The following SNCAIP variants were observed in gnomAD, a reference collection of about 807,000 sequenced individuals.
SNCAIP encodes the protein synuclein alpha interacting protein, also known as synphilin-1.
In SNCAIP, 43 loss-of-function variants were observed where a neutral mutation model predicts 86.7. The observed-to-expected ratio is 0.50, with a 90% CI of 0.39 to 0.64. The LOEUF (loss-of-function observed/expected upper bound fraction) is 0.64, where lower values mean the gene tolerates loss of function less well. Among genes scored for constraint, SNCAIP ranks in the 30% least tolerant of loss-of-function variants. SNCAIP has a pLI of 0.00. For missense variants in SNCAIP, 981 were observed against 1,103.1 expected, an observed-to-expected ratio of 0.89 and a Z score of 1.57; for synonymous variants, 417 against 427.2, an observed-to-expected ratio of 0.98 and a Z score of 0.29.
intron 10 of SNCAIP, among the ~76,000 whole-genome samples, chr5:122,455,174 C>T (rs1280497275): frequency 6.6e-6 from 1 of 152,144 alleles, no homozygotes; most frequent in Non-Finnish European, 1.5e-5. Flanking sequence ...CATGTGTTTC[C>T]ATAGGAAGTG....
At position 122,390,965 on chromosome 5, in the gene SNCAIP, T is replaced by A. The variant is rs1004355552; in HGVS notation, c.-46-124T>A. The A allele has an allele frequency of 6.3e-6, 4 of 632,040 alleles. No individual in the cohort carries two copies. In the African/African-American group the frequency reaches 7.3e-5, roughly 12 times the overall value. 39.2% of individuals were successfully genotyped at this position (632,040 alleles called of 1,614,324 possible). On this transcript the variant is annotated intron_variant, in intron 1 of 10. Transcript: ENST00000261368. Reference sequence around the variant, plus strand: ...TGTGGACAGTTGAAGGAAGGAAATGTGCTCCAAGGCAACACTAGCACCCAA... The same window carrying A: ...TGTGGACAGTTGAAGGAAGGAAATGAGCTCCAAGGCAACACTAGCACCCAA...
chr5:122,353,534 C>T (rs1183079236), intron 1 of SNCAIP, among the ~76,000 whole-genome samples: 3 of 151,704 alleles, frequency 2.0e-5, no homozygotes, highest in Non-Finnish European at 2.9e-5. Context: ...GGAGCTCCCA[C>T]AATTCCCACA....
intron 5 of SNCAIP, among the ~76,000 whole-genome samples, chr5:122,428,691 C>T (rs565507797): frequency 5.3e-5 from 8 of 151,786 alleles, no homozygotes; most frequent in African/African-American, 1.9e-4. Context: ...TTTGCTGCAC[C>T]CATTAACTCG....
chr5:122,432,820 A>G (rs902728764), intron 6 of SNCAIP, among the ~76,000 whole-genome samples: 3 of 152,180 alleles, frequency 2.0e-5, no homozygotes, highest in African/African-American at 7.2e-5. Flanking sequence ...CTTTTTAAAA[A>G]ACTGGAACCA....
At chr5:122,420,432 G>A (rs565509795) in intron 3 of SNCAIP, among the ~76,000 whole-genome samples, 1 of 152,176 alleles carries the variant, frequency 6.6e-6, no homozygotes, top group African/African-American at 2.4e-5. Flanking sequence ...TCGTTGTATT[G>A]ACCTACTAAG....
chr5:122,427,117 T>C (rs1777521230), intron 5 of SNCAIP, among the ~76,000 whole-genome samples: 1 of 152,196 alleles, frequency 6.6e-6, no homozygotes, highest in South Asian at 2.1e-4. Context: ...AAAATACAGT[T>C]CTCATTAGTC....
At chr5:122,395,973 T>G (rs1770530658) in intron 2 of SNCAIP, among the ~76,000 whole-genome samples, 1 of 152,180 alleles carries the variant, frequency 6.6e-6, no homozygotes, top group Non-Finnish European at 1.5e-5. Flanking sequence ...CCTTTTTCAC[T>G]GTCTCTGTCT....
Position 122,407,247 on chromosome 5 carries a change from A to T in SNCAIP, c.130+3382A>T, listed in dbSNP as rs77577173. On this transcript the variant is annotated intron_variant, in intron 3 of 10. Transcript: ENST00000261368. ...GGGAGGTCTTAGGGCATCAGGGAAT[A>T]TTAGAAGGCTCCAGCCACGAGAAAA... is the stretch of plus-strand genomic sequence containing the variant. Among the ~76,000 whole-genome samples the T allele has an allele frequency of 8.2e-3, 1,244 of 152,296 alleles. 19 individuals carry two copies. The highest frequency in any genetic ancestry group is 0.028 in the African/African-American group (1,169 of 41,560).
chr5:122,341,613 C>G (rs1354004716), intron 1 of SNCAIP, among the ~76,000 whole-genome samples: 1 of 152,198 alleles, frequency 6.6e-6, no homozygotes, highest in Non-Finnish European at 1.5e-5. Context: ...GTACAGAGAA[C>G]CTCCAGTTTA....
intron 1 of SNCAIP, among the ~76,000 whole-genome samples, chr5:122,318,901 C>A (rs964568615): frequency 6.6e-6 from 1 of 151,378 alleles, no homozygotes; most frequent in Non-Finnish European, 1.5e-5. Context: ...TTAAAAGATG[C>A]CTTACAATTA....
intron 1 of SNCAIP, among the ~76,000 whole-genome samples, chr5:122,361,329 A>G (rs1225932054): frequency 6.6e-6 from 1 of 152,124 alleles, no homozygotes; most frequent in African/African-American, 2.4e-5. Context: ...CAAATTTTCT[A>G]GTGGCCTGGT....
chr5:122,411,012 T>G (rs1292374616), intron 3 of SNCAIP, among the ~76,000 whole-genome samples: 5 of 152,128 alleles, frequency 3.3e-5, no homozygotes, highest in Non-Finnish European at 7.3e-5. Context: ...CAAGACAGTA[T>G]TTGAGGGAAA....
rs1482734098 is a variant in SNCAIP at position 122,349,003 on chromosome 5, C to G, written c.-47+36719C>G. On this transcript the variant is annotated intron_variant, in intron 1 of 10. Coordinates refer to ENST00000261368, the MANE Select transcript of SNCAIP (RefSeq NM_005460.4). ...AATGAAAGTCATTTAAGATAATATT[C>G]CAATGTGATCTTTGTCACTATTTCT... Among the ~76,000 whole-genome samples the G allele has an allele frequency of 3.9e-5, 6 of 152,136 alleles. No individual in the cohort carries two copies. In the East Asian group the frequency reaches 1.2e-3, roughly 29 times the overall value.
chr5:122,359,072 A>G (rs1317205081), intron 1 of SNCAIP, among the ~76,000 whole-genome samples: 1 of 152,166 alleles, frequency 6.6e-6, no homozygotes, highest in Non-Finnish European at 1.5e-5. Flanking sequence ...TTTTCAAAGA[A>G]CAATTCTTCA....
intron 5 of SNCAIP, 22 bp downstream of exon 5, chr5:122,425,553 C>G: frequency 6.3e-7 from 1 of 1,598,768 alleles, no homozygotes; most frequent in Non-Finnish European, 8.6e-7. Context: ...GGGGCTGGAA[C>G]CTCCACAGCT....
At chr5:122,339,796 T>C (rs916916529) in intron 1 of SNCAIP, among the ~76,000 whole-genome samples, 1 of 152,224 alleles carries the variant, frequency 6.6e-6, no homozygotes, top group Non-Finnish European at 1.5e-5. Flanking sequence ...GTTTGGCTAA[T>C]ACTGTCTGCT....
intron 7 of SNCAIP, among the ~76,000 whole-genome samples, chr5:122,442,483 A>G (rs1404745091): frequency 1.3e-5 from 2 of 152,210 alleles, no homozygotes; most frequent in South Asian, 2.1e-4. Context: ...CAAAGTGTGC[A>G]TCTTCTAATT....
chr5:122,444,264 G>T, intron 7 of SNCAIP: 1 of 506,298 alleles, frequency 2.0e-6, no homozygotes, highest in African/African-American at 1.9e-5. Context: ...GCCCAACCAT[G>T]ACAAGAGACA....
chr5:122,341,187 A>T (rs990817046), intron 1 of SNCAIP, among the ~76,000 whole-genome samples: 1 of 152,202 alleles, frequency 6.6e-6, no homozygotes, highest in African/African-American at 2.4e-5. Context: ...CTTAAAATTG[A>T]CAGGGCACGT....
Sources: gnomAD v4.1 joint callset for allele counts (sites outside exome capture counted in the v4.1 genomes callset) on GRCh38, gnomAD v4.1.1 for gene constraint, MANE v1.5 for transcripts, NCBI Gene and HGNC (gene_info 2026-07-23, HGNC 2026-07-21) for gene names.